Variants in RANBP17 observed in about 807,000 individuals in gnomAD.
RANBP17 encodes the protein RAN binding protein 17.
Under a neutral mutation model 141.2 loss-of-function variants are expected in RANBP17, and 158 were observed. The ratio of observed to expected loss-of-function variants is 1.12; its 90% CI spans 0.98 to 1.28. The LOEUF is 1.28. RANBP17 is among the 50% of genes most tolerant of loss of function. RANBP17 has a pLI of 0.00. For synonymous variants in RANBP17, 430 were observed against 450.0 expected (o/e 0.96, Z 0.56); for missense variants, 1,438 against 1,290.7 (o/e 1.11, Z -1.75).
chr5:171,236,754 A>G (rs1764567581), intron 22 of RANBP17, among the ~76,000 whole-genome samples: 1 of 152,188 alleles, frequency 6.6e-6, no homozygotes, highest in Non-Finnish European at 1.5e-5. Context: ...TGTGAATTAT[A>G]GGTGTTATTA....
intron 14 of RANBP17, among the ~76,000 whole-genome samples, chr5:170,979,943 G>C (rs1178200219): frequency 6.6e-6 from 1 of 152,196 alleles, no homozygotes; most frequent in Non-Finnish European, 1.5e-5. Context: ...GAAAATGTGG[G>C]AAAGTTTGGA....
At chr5:171,063,464 G>A (rs534223925) in intron 14 of RANBP17, among the ~76,000 whole-genome samples, 2 of 152,344 alleles carry the variant, frequency 1.3e-5, no homozygotes, top group South Asian at 4.1e-4. Context: ...AGCAGTGGCT[G>A]CAGAACAGCA....
intron 25 of RANBP17, among the ~76,000 whole-genome samples, chr5:171,292,124 T>C (rs1768531716): frequency 6.6e-6 from 1 of 152,258 alleles, no homozygotes; most frequent in Non-Finnish European, 1.5e-5. Flanking sequence ...TGTGGCTCTA[T>C]GACTTTGGGT....
At chr5:171,108,310 G>A (rs1430036025) in intron 14 of RANBP17, among the ~76,000 whole-genome samples, 1 of 151,930 alleles carries the variant, frequency 6.6e-6, no homozygotes, top group Non-Finnish European at 1.5e-5. Context: ...GACTTTTAGA[G>A]TTACATATGT....
intron 14 of RANBP17, among the ~76,000 whole-genome samples, chr5:171,053,012 G>A (rs1194047641): frequency 2.8e-5 from 1 of 36,350 alleles, no homozygotes; most frequent in Non-Finnish European, 7.2e-5. Context: ...TAGAGATGGG[G>A]TTTCATCCTG....
intron 14 of RANBP17, among the ~76,000 whole-genome samples, chr5:171,015,585 TTAA>T (rs1172502595): frequency 2.0e-5 from 3 of 152,152 alleles, no homozygotes; most frequent in Non-Finnish European, 2.9e-5. Context: ...GTCTAATAAT[TTAA>T]TAATCTGTAA....
At chr5:170,892,575 G>A (rs1769739128) in intron 4 of RANBP17, 22 bp downstream of exon 4, 1 of 1,600,236 alleles carries the variant, frequency 6.2e-7, no homozygotes, top group Admixed American at 1.7e-5. Context: ...TTGCTACATG[G>A]TTAGAACATC....
At chr5:170,914,044 C>A in intron 7 of RANBP17, 123 bp from the exon 8 acceptor site, 1 of 660,246 alleles carries the variant, frequency 1.5e-6, no homozygotes, top group South Asian at 1.7e-5. Context: ...TAAAAATAGG[C>A]CTAACTGGAA....
At position 171,176,036 on chromosome 5, in the gene RANBP17, T is replaced by C. The variant is rs1324842819; in HGVS notation, c.1865+4750T>C. 2.6e-5 allele frequency among the ~76,000 whole-genome samples: 4 copies of C among 152,270 alleles called. No homozygotes were observed. In the East Asian group the frequency reaches 7.7e-4, roughly 29 times the overall value. On this transcript the variant is annotated intron_variant, in intron 16 of 27. Coordinates refer to ENST00000523189, the MANE Select transcript of RANBP17 (RefSeq NM_022897.5). ...CCACTATGCAAGTATACAGCCCGCA[T>C]GCCTGTGGAGCTGGCTCTGGTTTGG...
At chr5:171,234,061 A>C (rs72827595) in intron 22 of RANBP17, among the ~76,000 whole-genome samples, 18,422 of 152,036 alleles carry the variant, frequency 0.12, 1,439 homozygotes, top group East Asian at 0.16. Context: ...GTAAAAAAAA[A>C]AAAAAAATAC....
chr5:170,989,685 T>G (rs1040665998), intron 14 of RANBP17, among the ~76,000 whole-genome samples: 1 of 151,810 alleles, frequency 6.6e-6, no homozygotes, highest in African/African-American at 2.4e-5. Context: ...TTTAAACATC[T>G]TAATAATGTA....
At chr5:170,871,940 A>G (rs938442638) in intron 1 of RANBP17, among the ~76,000 whole-genome samples, 6 of 152,184 alleles carry the variant, frequency 3.9e-5, no homozygotes, top group African/African-American at 1.4e-4. Context: ...TATAGTCTGA[A>G]GTCAGGTAGT....
chr5:171,010,445 A>T (rs181859227), intron 14 of RANBP17, among the ~76,000 whole-genome samples: 30 of 152,316 alleles, frequency 2.0e-4, no homozygotes, highest in African/African-American at 7.0e-4. Flanking sequence ...AGTTGTCTGT[A>T]AGAATAAAAT....
chr5:171,050,015 G>A (rs543037802), intron 14 of RANBP17, among the ~76,000 whole-genome samples: 1 of 152,252 alleles, frequency 6.6e-6, no homozygotes, highest in East Asian at 1.9e-4. Context: ...AATCACATTG[G>A]TAGTTGATAG....
At chr5:171,032,005 G>A (rs1172767118) in intron 14 of RANBP17, among the ~76,000 whole-genome samples, 1 of 151,992 alleles carries the variant, frequency 6.6e-6, no homozygotes, top group East Asian at 1.9e-4. Context: ...GAGTAAAATT[G>A]TATATTCTTA....
At chr5:170,983,047 T>C (rs1777881344) in intron 14 of RANBP17, 2 of 496,558 alleles carry the variant, frequency 4.0e-6, no homozygotes, top group South Asian at 1.6e-5. Context: ...ACTTTACTTC[T>C]CTTATATCTT....
intron 14 of RANBP17, among the ~76,000 whole-genome samples, chr5:171,027,730 A>G (rs1781311646): frequency 6.6e-6 from 1 of 151,976 alleles, no homozygotes; most frequent in Non-Finnish European, 1.5e-5. Context: ...AAACTTTTTT[A>G]TTTACCTCTT....
At chr5:170,881,957 T>C (rs1768736000) in intron 3 of RANBP17, 61 bp downstream of exon 3, 2 of 1,106,422 alleles carry the variant, frequency 1.8e-6, no homozygotes, top group African/African-American at 1.6e-5. Context: ...CTTTTAAATA[T>C]ACTAAACTGT....
At chr5:171,001,471 T>G (rs916595396) in intron 14 of RANBP17, among the ~76,000 whole-genome samples, 2 of 152,262 alleles carry the variant, frequency 1.3e-5, no homozygotes, top group Non-Finnish European at 2.9e-5. Flanking sequence ...TCCAAGTTTT[T>G]GGGGTACACT....
Sources: gnomAD v4.1 joint callset for allele counts (sites outside exome capture counted in the v4.1 genomes callset) on GRCh38, gnomAD v4.1.1 for gene constraint, MANE v1.5 for transcripts, NCBI Gene and HGNC (gene_info 2026-07-23, HGNC 2026-07-21) for gene names.